TMEM164: variants seen among roughly 807,000 people sequenced by gnomAD.
The protein encoded by TMEM164 is RP13-360B22.2.
A neutral mutation model predicts 18.8 loss-of-function variants in TMEM164; 4 were observed. The ratio of observed to expected loss-of-function variants is 0.21; its 90% confidence interval spans 0.10 to 0.49. The LOEUF (loss-of-function observed/expected upper bound fraction) is 0.49, where lower values mean the gene tolerates loss of function less well. Among genes scored for constraint, TMEM164 ranks in the 20% least tolerant of loss-of-function variants. The pLI is 0.98. For synonymous variants in TMEM164, 86 were observed against 101.7 expected, an observed-to-expected ratio of 0.85 and a Z score of 0.93; for missense variants, 108 against 239.9, an observed-to-expected ratio of 0.45 and a Z score of 3.63.
At chrX:110,129,390 T>C (rs965754394) in intron 4 of TMEM164, among the ~76,000 whole-genome samples, 12 of 112,423 alleles carry the variant, frequency 1.1e-4, no homozygotes, top group Non-Finnish European at 1.9e-4. Context: ...ATCTTGACCT[T>C]TGTCCCCCAT....
intron 3 of TMEM164, among the ~76,000 whole-genome samples, chrX:110,076,968 G>C (rs1469968948): frequency 2.7e-5 from 3 of 111,895 alleles, no homozygotes; most frequent in Non-Finnish European, 5.7e-5. Context: ...ATGTCTATTA[G>C]GTCCAATTGG....
chrX:110,020,285 C>G (rs1053147074), intron 2 of TMEM164: 7 of 624,280 alleles, frequency 1.1e-5, no homozygotes, highest in Admixed American at 8.9e-5. Flanking sequence ...CCTTTGTTTT[C>G]CAGATGAGGA....
chrX:110,006,883 G>T lies in TMEM164; in HGVS notation c.390+2719G>T, dbSNP rs913846750. ...CTATGTTGTAGTGGCAAATTCTGTG[G>T]AATTTAGAAGTCCTAGCAAGGAAAG... On this transcript the variant is annotated intron_variant, in intron 2 of 6. Coordinates refer to ENST00000372068, the MANE Select transcript of TMEM164 (RefSeq NM_032227.4). Among the ~76,000 whole-genome samples, 16 of 112,268 alleles carry T rather than the reference G, an allele frequency of 1.4e-4. No homozygotes were observed. The Admixed American group carries it at 1.5e-3, about 11-fold the overall frequency.
At chrX:110,182,098 CT>C (rs887218541), downstream of TMEM164, among the ~76,000 whole-genome samples, 76 of 109,532 alleles carry the variant, frequency 6.9e-4, no homozygotes, top group Middle Eastern at 4.7e-3. Context: ...TAATCAGCAC[CT>C]TTTTTTTTCA....
intron 4 of TMEM164, among the ~76,000 whole-genome samples, chrX:110,142,057 A>G (rs1031315426): frequency 6.3e-5 from 7 of 111,981 alleles, no homozygotes; most frequent in Admixed American, 9.5e-5. Flanking sequence ...TGGCCATTCC[A>G]TCTGAAGTCT....
chrX:110,009,740 A>G (rs1311733552), intron 2 of TMEM164, among the ~76,000 whole-genome samples: 2 of 111,468 alleles, frequency 1.8e-5, no homozygotes, highest in Non-Finnish European at 3.8e-5. Flanking sequence ...CACGCCTGTA[A>G]TCCCAGACTT....
chrX:110,066,101 C>G (rs761111686), intron 2 of TMEM164, among the ~76,000 whole-genome samples: 38 of 111,719 alleles, frequency 3.4e-4, no homozygotes, highest in African/African-American at 1.2e-3. Context: ...AAGACCCTTT[C>G]TCATTTTCAT....
At chrX:110,091,883 G>T (rs2065934961) in intron 3 of TMEM164, among the ~76,000 whole-genome samples, 1 of 112,052 alleles carries the variant, frequency 8.9e-6, no homozygotes, top group Non-Finnish European at 1.9e-5. Flanking sequence ...ATTAATTTTT[G>T]CATAAGGTGT....
At chrX:110,123,296 C>A (rs2066477801) in intron 4 of TMEM164, among the ~76,000 whole-genome samples, 1 of 112,404 alleles carries the variant, frequency 8.9e-6, no homozygotes, top group African/African-American at 3.2e-5. Flanking sequence ...TATGCCAGCA[C>A]CACACTGTCT....
chrX:110,118,368 G>A (rs1018765859), intron 4 of TMEM164, among the ~76,000 whole-genome samples: 2 of 111,374 alleles, frequency 1.8e-5, no homozygotes, highest in East Asian at 5.6e-4. Context: ...TTTCAAGTGA[G>A]CAGTTTAATA....
chrX:110,118,091 T>C (rs2066398183), intron 4 of TMEM164, among the ~76,000 whole-genome samples: 1 of 112,105 alleles, frequency 8.9e-6, no homozygotes, highest in African/African-American at 3.2e-5. Context: ...TTTTGTATTT[T>C]TAGCAGAGGC....
chrX:110,143,238 T>A (rs2066796463), intron 4 of TMEM164, among the ~76,000 whole-genome samples: 1 of 112,384 alleles, frequency 8.9e-6, no homozygotes. Context: ...GTCTGCTTCC[T>A]GGGTATTTTG....
intron 5 of TMEM164, among the ~76,000 whole-genome samples, chrX:110,168,732 A>G (rs1440141635): frequency 8.9e-6 from 1 of 111,963 alleles, no homozygotes; most frequent in Non-Finnish European, 1.9e-5. Context: ...CTCTCCTTAC[A>G]TGGTTTTCCT....
chrX:110,153,207 G>A (rs898295749), intron 5 of TMEM164, among the ~76,000 whole-genome samples: 13 of 111,906 alleles, frequency 1.2e-4, no homozygotes, highest in Non-Finnish European at 2.1e-4. Flanking sequence ...CCCGCCAGCT[G>A]CCTCTGTTCC....
chrX:110,030,990 T>C (rs1934477051), intron 2 of TMEM164, among the ~76,000 whole-genome samples: 1 of 111,067 alleles, frequency 9.0e-6, no homozygotes. Context: ...TGTGCCATGG[T>C]GGTTTGCTGC....
intron 5 of TMEM164, among the ~76,000 whole-genome samples, chrX:110,147,261 C>CT (rs150610871): frequency 0.02 from 2,258 of 111,646 alleles, 31 homozygotes; most frequent in Non-Finnish European, 0.031. Context: ...AACTCTATTT[C>CT]TTTTTTTTCT....
At chrX:110,100,890 A>G (rs1012809077) in intron 3 of TMEM164, among the ~76,000 whole-genome samples, 6 of 111,164 alleles carry the variant, frequency 5.4e-5, no homozygotes, top group African/African-American at 2.0e-4. Flanking sequence ...TGCCTGGCCA[A>G]GTATTATTCT....
chrX:110,091,849 A>C (rs1174337938), intron 3 of TMEM164, among the ~76,000 whole-genome samples: 1 of 112,408 alleles, frequency 8.9e-6, no homozygotes, highest in Non-Finnish European at 1.9e-5. Context: ...CAGGTCTAAC[A>C]TTTAAGTCTT....
chrX:110,128,048 G>C (rs893831365), intron 4 of TMEM164, among the ~76,000 whole-genome samples: 3 of 112,418 alleles, frequency 2.7e-5, no homozygotes, highest in Non-Finnish European at 5.6e-5. Flanking sequence ...TAACCCCTAA[G>C]TAATAAAAGT....
Sources: gnomAD v4.1 joint callset for allele counts (sites outside exome capture counted in the v4.1 genomes callset) on GRCh38, gnomAD v4.1.1 for gene constraint, MANE v1.5 for transcripts, NCBI Gene and HGNC (gene_info 2026-07-23, HGNC 2026-07-21) for gene names.